LAMA2: variants seen among roughly 807,000 people sequenced by gnomAD.
The protein encoded by LAMA2 is laminin subunit alpha-2.
A neutral mutation model predicts 364.8 loss-of-function variants in LAMA2; 269 were observed. The ratio of observed to expected loss-of-function variants is 0.74; its 90% CI spans 0.67 to 0.82. LAMA2 has a LOEUF of 0.82. LAMA2 is among the 40% of genes least tolerant of loss of function. The pLI is 0.00. For missense variants in LAMA2, 3,807 were observed against 3,873.2 expected, an observed-to-expected ratio of 0.98 and a Z score of 0.45; for synonymous variants, 1,379 against 1,370.6, an observed-to-expected ratio of 1.01 and a Z score of -0.14.
In LAMA2 at chr6:129,503,077, C is replaced by T. The variant is rs1785776527; in HGVS notation, c.8358-14C>T. ...TTATTTTTCTGTTTGACTTTGCATG[C>T]TTTTGTTTCACAGTCTCACAATTGA... On this transcript the variant is annotated splice_polypyrimidine_tract_variant and intron_variant, in intron 59 of 64. Transcript: ENST00000421865. 3 of 1,612,752 alleles carry T rather than the reference C, an allele frequency of 1.9e-6. No individual in the cohort carries two copies. The highest frequency in any genetic ancestry group is 2.2e-5 in the South Asian group (2 of 91,056).
intron 15 of LAMA2, among the ~76,000 whole-genome samples, chr6:129,262,085 CTT>C (rs1787177411): frequency 6.6e-6 from 1 of 152,016 alleles, no homozygotes; most frequent in Non-Finnish European, 1.5e-5. Flanking sequence ...TTTGCATTAT[CTT>C]TTATACAAAT....
chr6:129,071,518 T>G (rs1773311300), intron 3 of LAMA2, among the ~76,000 whole-genome samples: 1 of 152,112 alleles, frequency 6.6e-6, no homozygotes, highest in Non-Finnish European at 1.5e-5. Flanking sequence ...TTCAGTTCTT[T>G]TTTCCTAATA....
intron 1 of LAMA2, among the ~76,000 whole-genome samples, chr6:128,961,464 A>G (rs193251561): frequency 6.8e-6 from 1 of 147,908 alleles, no homozygotes; most frequent in Admixed American, 6.8e-5. Flanking sequence ...ACTCGATCAC[A>G]AGGTCCCACA....
At chr6:129,512,332 T>C (rs767051683) in intron 62 of LAMA2, 31 bp from the exon 63 acceptor site, 2 of 1,608,698 alleles carry the variant, frequency 1.2e-6, no homozygotes, top group Non-Finnish European at 1.7e-6. Flanking sequence ...CATCCTCTAA[T>C]CCAAAATATT....
At chr6:129,324,907 A>C (rs1253262840) in intron 28 of LAMA2, among the ~76,000 whole-genome samples, 2 of 152,356 alleles carry the variant, frequency 1.3e-5, no homozygotes, top group East Asian at 3.9e-4. Flanking sequence ...AAACCAAGGC[A>C]CACAGTATTC....
chr6:129,377,174 G>T (rs955335559), intron 34 of LAMA2, among the ~76,000 whole-genome samples: 22 of 151,916 alleles, frequency 1.4e-4, no homozygotes. Context: ...GTAGTAGATT[G>T]AACTGTATAA....
intron 22 of LAMA2, among the ~76,000 whole-genome samples, chr6:129,306,054 T>C (rs1054175524): frequency 2.0e-5 from 3 of 152,016 alleles, no homozygotes; most frequent in African/African-American, 7.2e-5. Flanking sequence ...TGTACTATAT[T>C]GTCATATATT....
chr6:129,500,714 A>G (rs1785565980), intron 58 of LAMA2, among the ~76,000 whole-genome samples: 1 of 152,174 alleles, frequency 6.6e-6, no homozygotes, highest in Admixed American at 6.5e-5. Flanking sequence ...AAAACAAACC[A>G]AAAAACTGCT....
intron 1 of LAMA2, among the ~76,000 whole-genome samples, chr6:129,018,547 A>T (rs1278132190): frequency 6.6e-6 from 1 of 151,808 alleles, no homozygotes; most frequent in Non-Finnish European, 1.5e-5. Context: ...AAAAAAAAAA[A>T]AGCGAAGTAT....
At chr6:129,478,560 G>A in intron 53 of LAMA2, 133 bp from the exon 54 acceptor site, 2 of 887,158 alleles carry the variant, frequency 2.3e-6, no homozygotes, top group Non-Finnish European at 1.9e-6. Flanking sequence ...AGTTTGCTGG[G>A]TACACGTGTG....
At chr6:129,012,505 G>A (rs1471671872) in intron 1 of LAMA2, among the ~76,000 whole-genome samples, 3 of 152,064 alleles carry the variant, frequency 2.0e-5, no homozygotes, top group Non-Finnish European at 2.9e-5. Context: ...TGGATATTTA[G>A]AATAATTTTT....
At chr6:129,294,220 C>A (rs1477875595) in intron 20 of LAMA2, among the ~76,000 whole-genome samples, 1 of 152,186 alleles carries the variant, frequency 6.6e-6, no homozygotes, top group African/African-American at 2.4e-5. Flanking sequence ...ATTTTACCCA[C>A]TAAAGGAATC....
At chr6:129,214,196 G>A (rs924492306) in intron 12 of LAMA2, among the ~76,000 whole-genome samples, 6 of 152,170 alleles carry the variant, frequency 3.9e-5, no homozygotes, top group Admixed American at 1.3e-4. Context: ...TAGGACAGGT[G>A]CATTTGGTCA....
intron 21 of LAMA2, 40 bp from the exon 22 acceptor site, chr6:129,300,696 A>G (rs1163120975): frequency 1.9e-6 from 3 of 1,609,616 alleles, no homozygotes; most frequent in African/African-American, 1.3e-5. Context: ...AATTTTTACT[A>G]TTTTTCCCCT....
chr6:129,058,670 C>T (rs374540879), intron 2 of LAMA2, among the ~76,000 whole-genome samples: 5 of 152,154 alleles, frequency 3.3e-5, no homozygotes, highest in Middle Eastern at 3.4e-3. Flanking sequence ...AAAGACTGGC[C>T]GCAAAAAGCT....
chr6:129,271,491 A>C, intron 17 of LAMA2, among the ~76,000 whole-genome samples: 1 of 125,138 alleles, frequency 8.0e-6, no homozygotes, highest in Admixed American at 9.5e-5. Context: ...TTTTTTTGAG[A>C]CAGAGTCTCG....
chr6:128,949,324 A>G (rs1780666777), intron 1 of LAMA2, among the ~76,000 whole-genome samples: 1 of 150,142 alleles, frequency 6.7e-6, no homozygotes, highest in Non-Finnish European at 1.5e-5. Flanking sequence ...ACAGCCACCC[A>G]CCCCACCCTG....
At chr6:128,921,122 A>C (rs1778683264) in intron 1 of LAMA2, among the ~76,000 whole-genome samples, 1 of 152,350 alleles carries the variant, frequency 6.6e-6, no homozygotes, top group African/African-American at 2.4e-5. Context: ...AATTTTCAGT[A>C]TAAGTATAGA....
intron 8 of LAMA2, among the ~76,000 whole-genome samples, chr6:129,162,661 T>C (rs1779506096): frequency 6.6e-6 from 1 of 152,114 alleles, no homozygotes; most frequent in African/African-American, 2.4e-5. Flanking sequence ...AACATAGCCA[T>C]TATTTGTTTC....
Sources: gnomAD v4.1 joint callset for allele counts (sites outside exome capture counted in the v4.1 genomes callset) on GRCh38, gnomAD v4.1.1 for gene constraint, MANE v1.5 for transcripts, NCBI Gene and HGNC (gene_info 2026-07-23, HGNC 2026-07-21) for gene names.